Variants in LMNB2 observed in about 807,000 individuals in gnomAD.
LMNB2 encodes lamin B2.
A neutral mutation model predicts 69.3 loss-of-function variants in LMNB2; 17 were observed. That is an observed-to-expected ratio of 0.25 (90% CI 0.17 to 0.37). LMNB2 has a LOEUF of 0.37. Among genes scored for constraint, LMNB2 ranks in the 10% least tolerant of loss-of-function variants. LMNB2 has a pLI of 1.00. For missense variants in LMNB2, 789 were observed against 883.6 expected, an observed-to-expected ratio of 0.89 and a Z score of 1.36; for synonymous variants, 397 against 389.3, an observed-to-expected ratio of 1.02 and a Z score of -0.23.
intron 1 of LMNB2, among the ~76,000 whole-genome samples, chr19:2,446,145 C>G (rs1359270086): frequency 1.6e-5 from 1 of 61,826 alleles, no homozygotes; most frequent in Admixed American, 1.4e-4. Flanking sequence ...CTGCCCCCCC[C>G]ACCAGTCACC....
rs528719343 is a variant in LMNB2 at position 2,428,244 on chromosome 19, A to AG, written c.*2666_*2667insC. 15 of 152,320 alleles carry AG rather than the reference A, an allele frequency of 9.8e-5. 1 individual carries two copies. The South Asian group carries it at 3.1e-3, about 32-fold the overall frequency. 9.4% of individuals were successfully genotyped at this position (152,320 alleles called of 1,614,324 possible). On this transcript the variant is annotated 3_prime_UTR_variant, in exon 12 of 12. Transcript: ENST00000325327. The stretch of plus-strand genomic sequence containing the variant: ...TGTATATTACAAATCATTGGAAAAA[A>AG]AAAAGAACACATTAGGCATGCATCT...
intron 1 of LMNB2, among the ~76,000 whole-genome samples, chr19:2,451,989 G>A (rs1972027070): frequency 6.6e-6 from 1 of 152,022 alleles, no homozygotes; most frequent in African/African-American, 2.4e-5. Context: ...GTAAGGCCTG[G>A]CAGGGAAGTA....
chr19:2,431,765 C>T lies in LMNB2; in HGVS notation c.1710+18G>A. 1 of 1,613,518 alleles carries T rather than the reference C, an allele frequency of 6.2e-7. No homozygotes were observed. ...CCCAGGACTCCAGCCGAGCACCCCCCAAGCCACACACACCCACCTCGCCAT... is the reference window on the plus strand; with the variant it reads ...CCCAGGACTCCAGCCGAGCACCCCCTAAGCCACACACACCCACCTCGCCAT... On this transcript the variant is annotated intron_variant, in intron 10 of 11. Coordinates refer to ENST00000325327, the MANE Select transcript of LMNB2 (RefSeq NM_032737.4).
intron 4 of LMNB2, chr19:2,436,951 C>T (rs544321829): frequency 4.6e-5 from 7 of 152,490 alleles, no homozygotes; most frequent in South Asian, 2.1e-4. Context: ...CCTGGGCCCC[C>T]GCACAGAAGC....
In LMNB2 at chr19:2,433,744, C is replaced by T. The variant is rs574033043; in HGVS notation, c.1482+82G>A. On this transcript the variant is annotated intron_variant, in intron 8 of 11. Coordinates refer to ENST00000325327, the MANE Select transcript of LMNB2 (RefSeq NM_032737.4). ...ACCTTGTCCCCTGCCTCGCATTGGC[C>T]GGCAGCCCCGTCACCCTGACCCTGG... The T allele has an allele frequency of 1.4e-5, 22 of 1,553,866 alleles. 1 individual carries two copies. In the Admixed American group the frequency reaches 1.7e-4, roughly 12 times the overall value.
rs748878665 is a variant in LMNB2, at chr19:2,432,467, G to C, written c.1539C>G (p.Ile513Met). 2 of 1,613,766 alleles carry C rather than the reference G, an allele frequency of 1.2e-6. No individual in the cohort carries two copies. Among genetic ancestry groups the C allele is most frequent in the East Asian group, 2.2e-5 (1 of 44,876 alleles). The part of the protein sequence containing the change: ...IKRQVLEGEE[I>M]AYKFTPKYIL... ...TGTACTTGGGCGTGAACTTGTAGGC[G>C]ATCTCCTCCCCCTCCAAGACCTGCC... Residue 513 changes from isoleucine to methionine, a missense_variant, in exon 9 of 12, where the codon ATC becomes ATG. Transcript: ENST00000325327.
At chr19:2,449,578 G>A (rs1339984014) in intron 1 of LMNB2, among the ~76,000 whole-genome samples, 2 of 152,086 alleles carry the variant, frequency 1.3e-5, no homozygotes, top group Non-Finnish European at 1.5e-5. Context: ...TCAGCAGTTC[G>A]AGACCAGCCT....
Position 2,430,566 on chromosome 19 carries a change from C to T in LMNB2, c.*345G>A, listed in dbSNP as rs1971727201. On this transcript the variant is annotated 3_prime_UTR_variant, in exon 12 of 12. Coordinates refer to ENST00000325327, the MANE Select transcript of LMNB2 (RefSeq NM_032737.4). ...CGCAGTTTCCGCGCTCCGTCCGCAG[C>T]AGGGCCGTCTCCTGTCCCCTCGCTA... The T allele has an allele frequency of 2.4e-6, 1 of 412,206 alleles. No homozygotes were observed. The allele number at this position is 412,206 out of a possible 1,614,324, so 25.5% of individuals were successfully genotyped here.
intron 1 of LMNB2, among the ~76,000 whole-genome samples, chr19:2,449,476 T>A (rs558024213): frequency 6.6e-6 from 1 of 152,366 alleles, no homozygotes; most frequent in East Asian, 1.9e-4. Context: ...AATTAATTGA[T>A]TTTTAAAAGA....
intron 2 of LMNB2, among the ~76,000 whole-genome samples, chr19:2,440,356 A>G (rs746032809): frequency 1.1e-4 from 17 of 151,476 alleles, no homozygotes; most frequent in Non-Finnish European, 2.5e-4. Context: ...ACGCCCAGAT[A>G]ATTTTGTATT....
intron 1 of LMNB2, among the ~76,000 whole-genome samples, chr19:2,449,934 G>A (rs1445646219): frequency 6.6e-6 from 1 of 151,890 alleles, no homozygotes; most frequent in African/African-American, 2.4e-5. Context: ...AATTAGCCGG[G>A]CATGGTGGTG....
rs1412376132 is a variant in LMNB2, at chr19:2,430,486, T to G, written c.*425A>C. On this transcript the variant is annotated 3_prime_UTR_variant, in exon 12 of 12. Transcript: ENST00000325327. ...GGCCCCACCAGGTCGACGCCTGGAT[T>G]CTGAATTTGGTTTTGTAGAAAGCCT... is the stretch of plus-strand genomic sequence containing the variant. The G allele has an allele frequency of 7.1e-6, 2 of 280,392 alleles. No individual in the cohort carries two copies. The highest frequency in any genetic ancestry group is 1.4e-5 in the Non-Finnish European group (2 of 142,634). The allele number at this position is 280,392 out of a possible 1,614,324, so 17.4% of individuals were successfully genotyped here.
At chr19:2,437,046 T>C (rs986744292) in intron 4 of LMNB2, 9 of 152,612 alleles carry the variant, frequency 5.9e-5, no homozygotes, top group African/African-American at 1.9e-4. Context: ...CTCTGGCTCC[T>C]GTGGGGCCCC....
chr19:2,455,599 T>G (rs1323066864), intron 1 of LMNB2, among the ~76,000 whole-genome samples: 1 of 152,150 alleles, frequency 6.6e-6, no homozygotes, highest in East Asian at 1.9e-4. Flanking sequence ...GAGGCCCCTC[T>G]GCAGCCCTCA....
rs1446274036 is a variant in LMNB2, at chr19:2,435,180, C to A, written c.685-9G>T. On this transcript the variant is annotated splice_polypyrimidine_tract_variant and intron_variant, in intron 4 of 11. Transcript: ENST00000325327. The stretch of plus-strand genomic sequence containing the variant: ...CGCGTCTCCCGCACCTCCTGCGGAC[C>A]AAGGCTTCGTGACCCTCTGGTCCCG... 1 of 1,600,152 alleles carries A rather than the reference C, an allele frequency of 6.2e-7. No individual in the cohort carries two copies. The highest frequency in any genetic ancestry group is 8.5e-7 in the Non-Finnish European group (1 of 1,179,396).
At position 2,430,600 on chromosome 19, in the gene LMNB2, G is replaced by A. The variant is rs567796589; in HGVS notation, c.*311C>T. The A allele has an allele frequency of 2.1e-5, 10 of 470,644 alleles. No homozygotes were observed. The highest frequency in any genetic ancestry group is 1.2e-4 in the African/African-American group (6 of 50,832). The allele number at this position is 470,644 out of a possible 1,614,324, so 29.2% of individuals were successfully genotyped here. On this transcript the variant is annotated 3_prime_UTR_variant, in exon 12 of 12. Transcript: ENST00000325327. ...CTCCTGTCCCCTCGCTAGCCTCGCC[G>A]GCCCTCCTCCCTCCAAGCCCAAGCA... is the stretch of plus-strand genomic sequence containing the variant.
Position 2,456,703 on chromosome 19 carries a change from C to T in LMNB2, c.231G>A (p.Lys77=). The T allele has an allele frequency of 6.4e-7, 1 of 1,559,468 alleles. No individual in the cohort carries two copies. Among genetic ancestry groups the T allele is most frequent in the South Asian group, 1.2e-5 (1 of 86,132 alleles). The part of the protein sequence containing the change: ...LELENDRLLL[K]ISEKEEVTTR... ...TGGTCACCTCCTCCTTCTCTGAGAT[C>T]TTGAGCAGGAGCCGGTCGTTCTCCA... is the stretch of plus-strand genomic sequence containing the variant. Residue 77 remains lysine (K), a synonymous_variant, in exon 1 of 12, where the codon AAG becomes AAA. Coordinates refer to ENST00000325327, the MANE Select transcript of LMNB2 (RefSeq NM_032737.4).
intron 2 of LMNB2, 43 bp downstream of exon 2, chr19:2,444,361 T>G: frequency 6.2e-7 from 1 of 1,611,550 alleles, no homozygotes; most frequent in South Asian, 1.1e-5. Context: ...CACCCCGTGG[T>G]GCCAGGATCA....
Position 2,428,546 on chromosome 19 carries a change from G to A in LMNB2, c.*2365C>T, listed in dbSNP as rs1016085895. Reference sequence around the variant, plus strand: ...GCCTCCCGGCTCCTGGGCTCAGCGGGGCAGGCTTCAGCGTTAACCTGGCGC... The same window carrying A: ...GCCTCCCGGCTCCTGGGCTCAGCGGAGCAGGCTTCAGCGTTAACCTGGCGC... On this transcript the variant is annotated 3_prime_UTR_variant, in exon 12 of 12. Coordinates refer to ENST00000325327, the MANE Select transcript of LMNB2 (RefSeq NM_032737.4). 5.3e-5 allele frequency: 8 copies of A among 152,300 alleles called. No individual in the cohort carries two copies. Among genetic ancestry groups the A allele is most frequent in the Non-Finnish European group, 8.8e-5 (6 of 68,084 alleles). The allele number at this position is 152,300 out of a possible 1,614,324, so 9.4% of individuals were successfully genotyped here.
Sources: allele counts gnomAD v4.1 joint callset (sites outside exome capture counted in the v4.1 genomes callset), GRCh38; gene constraint gnomAD v4.1.1; transcripts MANE v1.5; gene names NCBI Gene and HGNC (gene_info 2026-07-23, HGNC 2026-07-21).